Variants in INPP4B observed in about 807,000 individuals in gnomAD.
INPP4B encodes inositol polyphosphate-4-phosphatase type II B.
A neutral mutation model predicts 122.5 loss-of-function variants in INPP4B; 55 were observed. That is an observed-to-expected ratio of 0.45 (90% CI 0.36 to 0.56). INPP4B has a LOEUF of 0.56. Among genes scored for constraint, INPP4B ranks in the 20% least tolerant of loss-of-function variants. The pLI is 0.00. For synonymous variants in INPP4B, 403 were observed against 388.7 expected, an observed-to-expected ratio of 1.04 and a Z score of -0.43; for missense variants, 1,000 against 1,097.7, an observed-to-expected ratio of 0.91 and a Z score of 1.26.
intron 18 of INPP4B, among the ~76,000 whole-genome samples, chr4:142,127,086 C>T (rs1317983475): frequency 2.6e-5 from 4 of 152,154 alleles, no homozygotes; most frequent in Non-Finnish European, 5.9e-5. Flanking sequence ...GTAGGTGGCG[C>T]TGCTTAATCA....
intron 3 of INPP4B, among the ~76,000 whole-genome samples, chr4:142,443,973 C>T (rs939975051): frequency 2.0e-5 from 3 of 151,974 alleles, no homozygotes; most frequent in African/African-American, 7.2e-5. Context: ...TCAGATATTA[C>T]CCAGGTATTA....
intron 1 of INPP4B, among the ~76,000 whole-genome samples, chr4:142,767,196 T>G (rs1243198750): frequency 6.6e-6 from 1 of 152,228 alleles, no homozygotes; most frequent in Non-Finnish European, 1.5e-5. Context: ...GCTCTGTCAC[T>G]CTTTTAGATT....
intron 1 of INPP4B, among the ~76,000 whole-genome samples, chr4:142,824,482 A>G (rs572298276): frequency 6.6e-6 from 1 of 152,268 alleles, no homozygotes; most frequent in South Asian, 2.1e-4. Context: ...TGTTGCCTTC[A>G]ACCTATTCAA....
At chr4:142,401,476 C>A (rs983427126) in intron 7 of INPP4B, among the ~76,000 whole-genome samples, 15 of 152,172 alleles carry the variant, frequency 9.9e-5, no homozygotes, top group South Asian at 2.1e-4. Context: ...TAATAAACAG[C>A]AAATGTAGGG....
At chr4:142,619,700 G>T (rs1395050340) in intron 2 of INPP4B, among the ~76,000 whole-genome samples, 1 of 151,894 alleles carries the variant, frequency 6.6e-6, no homozygotes, top group African/African-American at 2.4e-5. Flanking sequence ...ATAACATTGT[G>T]CCCACAGTTA....
intron 8 of INPP4B, among the ~76,000 whole-genome samples, chr4:142,306,471 AG>A (rs1182371010): frequency 6.6e-6 from 1 of 152,208 alleles, no homozygotes; most frequent in Non-Finnish European, 1.5e-5. Context: ...CTTCCAGAAC[AG>A]TCTCTCATCA....
chr4:142,330,986 T>C (rs559445459), intron 7 of INPP4B, among the ~76,000 whole-genome samples: 1 of 152,346 alleles, frequency 6.6e-6, no homozygotes, highest in East Asian at 1.9e-4. Context: ...TTCATTTTTT[T>C]CACTTCTTAA....
chr4:142,587,266 T>A (rs1050029840), intron 2 of INPP4B, among the ~76,000 whole-genome samples: 6 of 152,152 alleles, frequency 3.9e-5, no homozygotes, highest in African/African-American at 4.8e-5. Flanking sequence ...TCATTTTTTT[T>A]ATATCACTGG....
intron 1 of INPP4B, among the ~76,000 whole-genome samples, chr4:142,752,155 T>C (rs1032052917): frequency 6.6e-6 from 1 of 152,066 alleles, no homozygotes. Flanking sequence ...TTTAGAGCTG[T>C]AGAATGGAAG....
At chr4:142,397,935 C>T (rs1169862372) in intron 7 of INPP4B, among the ~76,000 whole-genome samples, 1 of 152,008 alleles carries the variant, frequency 6.6e-6, no homozygotes, top group Non-Finnish European at 1.5e-5. Flanking sequence ...TGAGAGAAAT[C>T]CTATGGACAA....
chr4:142,752,684 T>A (rs1347382634), intron 1 of INPP4B, among the ~76,000 whole-genome samples: 1 of 152,082 alleles, frequency 6.6e-6, no homozygotes, highest in African/African-American at 2.4e-5. Context: ...AGATCCTCTG[T>A]AATTCTTCAC....
At chr4:142,547,641 A>G (rs1243593917) in intron 2 of INPP4B, among the ~76,000 whole-genome samples, 1 of 152,172 alleles carries the variant, frequency 6.6e-6, no homozygotes, top group African/African-American at 2.4e-5. Context: ...AGGTTAAGTG[A>G]CTTGGCTGAA....
intron 1 of INPP4B, among the ~76,000 whole-genome samples, chr4:142,834,815 G>A (rs1056067271): frequency 2.0e-5 from 3 of 152,196 alleles, no homozygotes; most frequent in South Asian, 2.1e-4. Flanking sequence ...TAAATAAGTG[G>A]GAGAAAAACT....
intron 2 of INPP4B, among the ~76,000 whole-genome samples, chr4:142,482,521 C>A (rs1820685848): frequency 6.6e-6 from 1 of 152,054 alleles, no homozygotes; most frequent in African/African-American, 2.4e-5. Context: ...GATCACCATC[C>A]CTCCTTAGAA....
intron 2 of INPP4B, among the ~76,000 whole-genome samples, chr4:142,650,214 A>G (rs1752647856): frequency 6.6e-6 from 1 of 152,232 alleles, no homozygotes; most frequent in Non-Finnish European, 1.5e-5. Flanking sequence ...CTCCTGAAGG[A>G]AGCACTAAAC....
intron 17 of INPP4B, among the ~76,000 whole-genome samples, chr4:142,152,793 C>T (rs1164320922): frequency 6.6e-6 from 1 of 152,134 alleles, no homozygotes; most frequent in African/African-American, 2.4e-5. Context: ...CAACCACCTG[C>T]ATCCTTAGAA....
At chr4:142,160,999 T>C (rs1205728439) in intron 16 of INPP4B, among the ~76,000 whole-genome samples, 1 of 152,038 alleles carries the variant, frequency 6.6e-6, no homozygotes, top group Non-Finnish European at 1.5e-5. Context: ...CAGCCTAATA[T>C]GTTTTAAACA....
chr4:142,451,910 T>C lies in INPP4B; in HGVS notation c.-127+10753A>G, dbSNP rs535263300. The stretch of plus-strand genomic sequence containing the variant: ...TGAAGGGAAGGGGGTGCTCTGTCTA[T>C]CTCTGTGACAAGGCACCCTTTTTTG... On this transcript the variant is annotated intron_variant, in intron 3 of 25. Coordinates refer to ENST00000262992, the MANE Select transcript of INPP4B (RefSeq NM_001101669.3). 3.5e-4 allele frequency among the ~76,000 whole-genome samples: 54 copies of C among 152,282 alleles called. 1 individual carries two copies. Among genetic ancestry groups the C allele is most frequent in the Admixed American group, 2.2e-3 (33 of 15,296 alleles).
intron 7 of INPP4B, among the ~76,000 whole-genome samples, chr4:142,321,964 T>C (rs1579728696): frequency 1.3e-5 from 2 of 152,318 alleles, no homozygotes; most frequent in Middle Eastern, 3.4e-3. Context: ...AATCTTCATT[T>C]ACTATTTTAA....
Sources: allele counts gnomAD v4.1 joint callset (sites outside exome capture counted in the v4.1 genomes callset), GRCh38; gene constraint gnomAD v4.1.1; transcripts MANE v1.5; gene names NCBI Gene and HGNC (gene_info 2026-07-23, HGNC 2026-07-21).